TMC6: variants seen among roughly 807,000 people sequenced by gnomAD.
The protein encoded by TMC6 is transmembrane channel-like protein 6.
TMC6 carries 71 observed loss-of-function variants against 95.4 expected under a neutral mutation model. The ratio of observed to expected loss-of-function variants is 0.74; its 90% CI spans 0.61 to 0.91. The LOEUF is 0.91. Among genes scored for constraint, TMC6 ranks in the 40% least tolerant of loss-of-function variants. The probability of loss-of-function intolerance (pLI) is 0.00; values close to 1 mark genes in which losing one functional copy is unlikely to be tolerated. For missense variants in TMC6, 1,074 were observed against 1,079.1 expected (o/e 1.00, Z 0.07); for synonymous variants, 514 against 483.1 (o/e 1.06, Z -0.84).
chr17:78,125,715 C>T lies in TMC6; in HGVS notation c.430+11G>A. On this transcript the variant is annotated intron_variant, in intron 5 of 19. Transcript: ENST00000590602. ...TGTCCGCCACTGGGGCTCCAGTGCC[C>T]ACTCACTCACCCTCCTCCTCCAGGG... is the stretch of plus-strand genomic sequence containing the variant. 3 of 1,561,602 alleles carry T rather than the reference C, an allele frequency of 1.9e-6. No homozygotes were observed. The highest frequency in any genetic ancestry group is 1.4e-5 in the African/African-American group (1 of 73,416).
intron 15 of TMC6, among the ~76,000 whole-genome samples, chr17:78,118,709 C>A (rs961603737): frequency 1.3e-5 from 2 of 152,150 alleles, no homozygotes; most frequent in African/African-American, 4.8e-5. Flanking sequence ...AGAGCCCTGG[C>A]CCTACCCCTG....
chr17:78,122,850 C>A lies in TMC6; in HGVS notation c.1083-101G>T. ...GCTCTGGGCAGCCAGACCCCACCAC[C>A]CACTCAGGAGCCATCTGGGCCCTGA... On this transcript the variant is annotated intron_variant, in intron 9 of 19. Coordinates refer to ENST00000590602, the MANE Select transcript of TMC6 (RefSeq NM_001127198.5). The surrounding 1 kb of genome is among the most constrained non-coding windows in gnomAD (Gnocchi z 4.9). 6.6e-7 allele frequency: 1 copy of A among 1,522,332 alleles called. No homozygotes were observed. The highest frequency in any genetic ancestry group is 8.8e-7 in the Non-Finnish European group (1 of 1,134,106). The allele number at this position is 1,522,332 out of a possible 1,614,324, so 94.3% of individuals were successfully genotyped here.
At chr17:78,127,773 G>A (rs1158403306) in intron 1 of TMC6, among the ~76,000 whole-genome samples, 2 of 152,236 alleles carry the variant, frequency 1.3e-5, no homozygotes, top group Admixed American at 6.5e-5. Flanking sequence ...GGCAAAGCCC[G>A]GGGGCGCCCC....
chr17:78,117,095 G>A (rs775412320), intron 18 of TMC6, among the ~76,000 whole-genome samples, 174 bp downstream of exon 18: 17 of 152,072 alleles, frequency 1.1e-4, no homozygotes, highest in Non-Finnish European at 8.8e-5. Flanking sequence ...TCTGTCTCAC[G>A]GCTACTTCGT....
chr17:78,120,775 GC>G lies in TMC6; in HGVS notation c.1592del (p.Arg531ProfsTer24), dbSNP rs1265051221. On this transcript the variant is annotated frameshift_variant, in exon 13 of 20. Transcript: ENST00000590602. LOFTEE classifies it high-confidence loss of function. Reference sequence around the variant, plus strand: ...ACTGGCCCTGCAGGACGCCCACCCTGCGGCCCAGCCAGTGGTAGCACAGTGT... The same window carrying G: ...ACTGGCCCTGCAGGACGCCCACCCTGGGCCCAGCCAGTGGTAGCACAGTGT... Reference protein sequence around the residue: ...LGTLCYHWLGRRVGVLQGQCW... With the variant: ...LGTLCYHWLGXRVGVLQGQCW... 6.2e-7 allele frequency: 1 copy of G among 1,613,308 alleles called. No homozygotes were observed. The highest frequency in any genetic ancestry group is 2.2e-5 in the East Asian group (1 of 44,880).
Position 78,126,645 on chromosome 17 carries a change from C to T in TMC6, c.60G>A (p.Gln20=). 6.2e-7 allele frequency: 1 copy of T among 1,613,214 alleles called. No homozygotes were observed. The highest frequency in any genetic ancestry group is 8.5e-7 in the Non-Finnish European group (1 of 1,179,938). The stretch of plus-strand genomic sequence containing the variant: ...CGCTTTCATCATAGGGGCTGGGGCC[C>T]TGGCTGCAGAGGGGGTTGGCGGGGG... The part of the protein sequence containing the change: ...DVPETPGDQG[Q]GPSPYDESEV... Residue 20 remains glutamine, a synonymous_variant, in exon 3 of 20, where the codon CAG becomes CAA. Transcript: ENST00000590602.
chr17:78,117,812 C>T lies in TMC6; in HGVS notation c.2011G>A (p.Ala671Thr), dbSNP rs1415810329. The change falls in exon 16 of 20, where the codon GCC becomes ACC. Residue 671 changes from alanine to threonine, a missense_variant. Ala to Thr is a moderately conservative substitution (Grantham distance 58). Coordinates refer to ENST00000590602, the MANE Select transcript of TMC6 (RefSeq NM_001127198.5). ...FLGAAVFLCY[A>T]VWQVKPSSTC... ...ACCCGCCCCACTCACTGCCAGACGG[C>T]GTAGCAGAGGAAGACAGCGGCGCCC... 8.7e-6 allele frequency: 14 copies of T among 1,606,918 alleles called. No homozygotes were observed. Among genetic ancestry groups the T allele is most frequent in the East Asian group, 2.2e-5 (1 of 44,670 alleles).
Position 78,126,809 on chromosome 17 carries a change from G to A in TMC6, c.24C>T (p.Ile8=). Residue 8 remains isoleucine, a synonymous_variant, in exon 2 of 20, where the codon ATC becomes ATT. Transcript: ENST00000590602. Reference sequence around the variant, plus strand: ...CCCCTGGGGTCTCAGGGACATCGAGGATGAAGGCCAGTGGCTGGGCCATGT... The same window carrying A: ...CCCCTGGGGTCTCAGGGACATCGAGAATGAAGGCCAGTGGCTGGGCCATGT... MAQPLAF[I]LDVPETPGDQ... 4 of 1,613,152 alleles carry A rather than the reference G, an allele frequency of 2.5e-6. No individual in the cohort carries two copies. Among genetic ancestry groups the A allele is most frequent in the Non-Finnish European group, 3.4e-6 (4 of 1,179,972 alleles).
At chr17:78,117,405 C>A (rs2074180504) in intron 17 of TMC6, 58 bp from the exon 18 acceptor site, 2 of 1,612,092 alleles carry the variant, frequency 1.2e-6, no homozygotes, top group Admixed American at 1.7e-5. Flanking sequence ...GCGGCCAGTC[C>A]CCACACGGTG....
At chr17:78,120,454 C>G (rs1394986031) in intron 13 of TMC6, 199 bp downstream of exon 13, 2 of 815,012 alleles carry the variant, frequency 2.5e-6, no homozygotes, top group Non-Finnish European at 4.1e-6. Context: ...GCCACCATGC[C>G]TGGCCATACA....
At chr17:78,129,114 G>C (rs2074891570), upstream of TMC6, among the ~76,000 whole-genome samples, 1 of 97,276 alleles carries the variant, frequency 1.0e-5, no homozygotes, top group African/African-American at 4.1e-5. This position sits in a 1 kb window ranked among gnomAD's most constrained non-coding sequence, Gnocchi z 4.3. Flanking sequence ...AGATTGGGCA[G>C]CGCCCCCCCC....
chr17:78,119,204 G>C, intron 14 of TMC6, 93 bp downstream of exon 14: 5 of 1,547,318 alleles, frequency 3.2e-6, no homozygotes, highest in Non-Finnish European at 4.5e-6. Flanking sequence ...GGGCCTGGCT[G>C]TGGCCCCAGG....
At position 78,114,807 on chromosome 17, in the gene TMC6, G is replaced by A. The variant is rs137996544; in HGVS notation, c.2278-1183C>T. Among the ~76,000 whole-genome samples the A allele has an allele frequency of 6.6e-5, 10 of 152,302 alleles. 1 individual carries two copies. The highest frequency in any genetic ancestry group is 3.4e-3 in the Middle Eastern group (1 of 294). ...GCACTTGAGCCATGCCGACCTGCACGGGGAAAACTCAGACCGACAGCCCCA... is the reference window on the plus strand; with the variant it reads ...GCACTTGAGCCATGCCGACCTGCACAGGGAAAACTCAGACCGACAGCCCCA... On this transcript the variant is annotated intron_variant, in intron 18 of 19. Transcript: ENST00000590602.
chr17:78,118,292 C>T (rs2074234664), intron 15 of TMC6: 6 of 370,852 alleles, frequency 1.6e-5, no homozygotes, highest in Admixed American at 4.1e-5. Context: ...TGCGGTGGCT[C>T]ATGCCTGTAA....
At chr17:78,132,323 C>T (rs1568013723), upstream of TMC6, 2 of 1,611,162 alleles carry the variant, frequency 1.2e-6, no homozygotes, top group Non-Finnish European at 1.7e-6. Flanking sequence ...AGCCCCGGCC[C>T]CGGCCTCCCT....
intron 15 of TMC6, 54 bp downstream of exon 15, chr17:78,118,917 C>G: frequency 6.5e-7 from 1 of 1,542,056 alleles, no homozygotes; most frequent in Non-Finnish European, 8.8e-7. Context: ...GAGTCCTGCC[C>G]CCACTGCCGG....
chr17:78,120,047 A>C, intron 13 of TMC6: 1 of 386,330 alleles, frequency 2.6e-6, no homozygotes, highest in Non-Finnish European at 5.0e-6. Flanking sequence ...GCCAGAACCC[A>C]CAGCGGAATA....
intron 18 of TMC6, among the ~76,000 whole-genome samples, chr17:78,116,455 T>C (rs1158945490): frequency 6.6e-6 from 1 of 151,934 alleles, no homozygotes; most frequent in Non-Finnish European, 1.5e-5. Flanking sequence ...AAAATTTTTA[T>C]AGAGACGAGG....
intron 16 of TMC6, 59 bp from the exon 17 acceptor site, chr17:78,117,703 C>A (rs2074199638): frequency 1.3e-6 from 2 of 1,555,904 alleles, no homozygotes; most frequent in South Asian, 1.2e-5. Context: ...CGGCTCCCTC[C>A]CAGCCCGTCC....
Sources: allele counts gnomAD v4.1 joint callset (sites outside exome capture counted in the v4.1 genomes callset), GRCh38; gene constraint gnomAD v4.1.1; non-coding constraint Gnocchi (gnomAD v3.1); transcripts MANE v1.5; gene names NCBI Gene and HGNC (gene_info 2026-07-23, HGNC 2026-07-21).